SLC35F3: variants seen among roughly 807,000 people sequenced by gnomAD.
The protein encoded by SLC35F3 is solute carrier family 35 member F3.
In SLC35F3, 25 loss-of-function variants were observed where a neutral mutation model predicts 49.9. That is an observed-to-expected ratio of 0.50 (90% CI 0.37 to 0.70). The LOEUF (loss-of-function observed/expected upper bound fraction) is 0.70, where lower values mean the gene tolerates loss of function less well. SLC35F3 is among the 30% of genes least tolerant of loss of function. The probability of loss-of-function intolerance (pLI) is 0.00; values close to 1 mark genes in which losing one functional copy is unlikely to be tolerated. For missense variants in SLC35F3, 525 were observed against 639.8 expected (o/e 0.82, Z 1.94); for synonymous variants, 275 against 265.4 (o/e 1.04, Z -0.35).
At chr1:234,301,072 G>A (rs1339804790) in intron 3 of SLC35F3, among the ~76,000 whole-genome samples, 4 of 152,218 alleles carry the variant, frequency 2.6e-5, no homozygotes, top group Non-Finnish European at 4.4e-5. Context: ...AAGACACTGA[G>A]TTTATTTGGG....
intron 2 of SLC35F3, among the ~76,000 whole-genome samples, chr1:233,969,065 G>T (rs4920272): frequency 6.7e-6 from 1 of 150,252 alleles, no homozygotes; most frequent in East Asian, 2.0e-4. Context: ...TATTTTGGGG[G>T]GGGGGACACA....
intron 3 of SLC35F3, among the ~76,000 whole-genome samples, chr1:234,232,846 A>G (rs1667406899): frequency 6.6e-6 from 1 of 152,212 alleles, no homozygotes; most frequent in African/African-American, 2.4e-5. Context: ...GGAATCTACC[A>G]TGTTGTTCCT....
At chr1:234,006,482 T>A (rs1278133727) in intron 2 of SLC35F3, among the ~76,000 whole-genome samples, 2 of 152,146 alleles carry the variant, frequency 1.3e-5, no homozygotes, top group Non-Finnish European at 1.5e-5. Context: ...GGGAAAAAAA[T>A]TCATAAACAC....
chr1:234,068,858 G>GATATATATATATATAA (rs1664662369), intron 2 of SLC35F3, among the ~76,000 whole-genome samples: 1 of 49,256 alleles, frequency 2.0e-5, no homozygotes, highest in Non-Finnish European at 3.9e-5. Context: ...TATATATATG[G>GATATATATATATATAA]CATATTTATA....
chr1:233,997,527 G>A (rs1663480810), intron 2 of SLC35F3, among the ~76,000 whole-genome samples: 1 of 151,992 alleles, frequency 6.6e-6, no homozygotes, highest in Non-Finnish European at 1.5e-5. Flanking sequence ...ATACCTGTTG[G>A]TCATTTGTAT....
rs868232780 is a variant in SLC35F3 at position 234,266,873 on chromosome 1, G to T, written c.608+35132G>T. 7.3e-3 allele frequency among the ~76,000 whole-genome samples: 788 copies of T among 108,648 alleles called. 5 individuals carry two copies. Among genetic ancestry groups the T allele is most frequent in the Non-Finnish European group, 0.011 (600 of 55,780 alleles). The allele number at this position is 108,648 out of a possible 152,430, so 71.3% of individuals were successfully genotyped here. A position where few individuals can be genotyped will look rare whatever the true frequency, so the allele number is the denominator to read the frequency against. On this transcript the variant is annotated intron_variant, in intron 3 of 7. Transcript: ENST00000366618. Reference sequence around the variant, plus strand: ...CCAAAATGTCCATATGAAGCACATGGTTTTTTTTTTTTTTTTTTTTTTTTA... The same window carrying T: ...CCAAAATGTCCATATGAAGCACATGTTTTTTTTTTTTTTTTTTTTTTTTTA...
At chr1:234,159,535 C>A (rs923725003) in intron 2 of SLC35F3, among the ~76,000 whole-genome samples, 4 of 152,048 alleles carry the variant, frequency 2.6e-5, no homozygotes, top group Non-Finnish European at 2.9e-5. Flanking sequence ...CGAGATCACA[C>A]CACTGCACTC....
intron 2 of SLC35F3, among the ~76,000 whole-genome samples, chr1:233,916,360 T>G (rs1310618358): frequency 6.6e-6 from 1 of 152,216 alleles, no homozygotes; most frequent in Non-Finnish European, 1.5e-5. Context: ...CTCTAACTCC[T>G]GGGCTCAAGC....
chr1:234,303,615 T>C (rs1232431897), intron 3 of SLC35F3, among the ~76,000 whole-genome samples: 1 of 152,246 alleles, frequency 6.6e-6, no homozygotes, highest in Non-Finnish European at 1.5e-5. Context: ...TGATTGGTGA[T>C]AGAATTCTGG....
At chr1:234,155,840 A>G (rs568977367) in intron 2 of SLC35F3, among the ~76,000 whole-genome samples, 2 of 151,802 alleles carry the variant, frequency 1.3e-5, no homozygotes, top group Admixed American at 6.6e-5. Flanking sequence ...AAATGTAAAA[A>G]ATAATATTCA....
In SLC35F3 at chr1:233,914,551, T is replaced by C. The variant is rs534763812; in HGVS notation, c.283+8793T>C. Among the ~76,000 whole-genome samples, 24 of 152,320 alleles carry C rather than the reference T, an allele frequency of 1.6e-4. No individual in the cohort carries two copies. In the South Asian group the frequency reaches 4.3e-3, roughly 28 times the overall value. On this transcript the variant is annotated intron_variant, in intron 2 of 7. Coordinates refer to ENST00000366618, the MANE Select transcript of SLC35F3 (RefSeq NM_173508.4). ...TTTCTGGATAGGATTTCAGAGCCAT[T>C]TCCATTCAAGCTCGTGCATGACAAA...
chr1:234,221,112 T>G (rs1558264603), intron 2 of SLC35F3, among the ~76,000 whole-genome samples: 1 of 145,722 alleles, frequency 6.9e-6, no homozygotes, highest in African/African-American at 2.5e-5. Flanking sequence ...AGAGAGAGAG[T>G]GATGTGTCAG....
intron 2 of SLC35F3, among the ~76,000 whole-genome samples, chr1:233,911,942 T>C (rs1376682723): frequency 6.6e-6 from 1 of 152,190 alleles, no homozygotes; most frequent in East Asian, 1.9e-4. Context: ...TCTAAAACTC[T>C]CCAGCTTTGA....
intron 2 of SLC35F3, among the ~76,000 whole-genome samples, chr1:234,158,371 G>C (rs1007446105): frequency 6.6e-6 from 1 of 152,088 alleles, no homozygotes; most frequent in African/African-American, 2.4e-5. Context: ...CCCAACAATG[G>C]GATAGTTGTC....
chr1:234,058,282 G>T (rs578134487), intron 2 of SLC35F3, among the ~76,000 whole-genome samples: 5 of 132,466 alleles, frequency 3.8e-5, no homozygotes, highest in African/African-American at 1.2e-4. Context: ...ATAAGTCTCA[G>T]TCTCACTTAG....
rs1667094798 is a variant in SLC35F3, at chr1:234,214,677, A to G, written c.284-16740A>G. 3.6e-6 allele frequency: 5 copies of G among 1,385,872 alleles called. No individual in the cohort carries two copies. Among genetic ancestry groups the G allele is most frequent in the Admixed American group, 6.0e-5 (2 of 33,106 alleles). The allele number at this position is 1,385,872 out of a possible 1,614,324, so 85.8% of individuals were successfully genotyped here. A position where few individuals can be genotyped will look rare whatever the true frequency, so the allele number is the denominator to read the frequency against. On this transcript the variant is annotated intron_variant, in intron 2 of 7. Transcript: ENST00000366618. The surrounding 1 kb of genome is among the most constrained non-coding windows in gnomAD (Gnocchi z 8.0). ...GCTGCGGGGCGCCGGGGCTGGGGGTACTGCTCCCCCAGGACGCGGCTCCGC... is the reference window on the plus strand; with the variant it reads ...GCTGCGGGGCGCCGGGGCTGGGGGTGCTGCTCCCCCAGGACGCGGCTCCGC...
At position 234,320,585 on chromosome 1, in the gene SLC35F3, A is replaced by G. The variant is rs74147434; in HGVS notation, c.1237+398A>G. ...ACAAATGTAGGAAATGATGTAGCAG[A>G]AAAAAAATGTCACTTTTGCAGGTAA... is the stretch of plus-strand genomic sequence containing the variant. On this transcript the variant is annotated intron_variant, in intron 7 of 7. Coordinates refer to ENST00000366618, the MANE Select transcript of SLC35F3 (RefSeq NM_173508.4). The surrounding 1 kb of genome is among the most constrained non-coding windows in gnomAD (Gnocchi z 4.8). Among the ~76,000 whole-genome samples the G allele has an allele frequency of 0.08, 12,190 of 152,082 alleles. 576 individuals are homozygous for G. Among genetic ancestry groups the G allele is most frequent in the African/African-American group, 0.13 (5,394 of 41,450 alleles).
At chr1:233,978,758 G>A (rs1663131887) in intron 2 of SLC35F3, among the ~76,000 whole-genome samples, 1 of 145,194 alleles carries the variant, frequency 6.9e-6, no homozygotes, top group African/African-American at 2.4e-5. Flanking sequence ...AGTCAGGTGC[G>A]GTGGCTCACG....
At chr1:234,217,158 G>A (rs1410310879) in intron 2 of SLC35F3, among the ~76,000 whole-genome samples, 1 of 152,202 alleles carries the variant, frequency 6.6e-6, no homozygotes, top group Non-Finnish European at 1.5e-5. Context: ...CAGCCAGCGA[G>A]GAATATTTAT....
Sources: allele counts gnomAD v4.1 joint callset (sites outside exome capture counted in the v4.1 genomes callset), GRCh38; gene constraint gnomAD v4.1.1; non-coding constraint Gnocchi (gnomAD v3.1); transcripts MANE v1.5; gene names NCBI Gene and HGNC (gene_info 2026-07-23, HGNC 2026-07-21).